The following MRPL39 variants were observed in gnomAD, a reference collection of about 807,000 sequenced individuals.
MRPL39 encodes the protein large ribosomal subunit protein mL39.
Under a neutral mutation model 44.5 loss-of-function variants are expected in MRPL39, and 35 were observed. That is an observed-to-expected ratio of 0.79 (90% CI 0.60 to 1.04). The LOEUF (loss-of-function observed/expected upper bound fraction) is 1.04. Ranked by LOEUF, MRPL39 falls within the 50% of genes least tolerant of loss-of-function variation. The pLI is 0.00. For synonymous variants in MRPL39, 139 were observed against 136.1 expected, an observed-to-expected ratio of 1.02 and a Z score of -0.15; for missense variants, 433 against 413.5, an observed-to-expected ratio of 1.05 and a Z score of -0.41.
At chr21:25,596,363 G>C (rs377577082) in intron 6 of MRPL39, among the ~76,000 whole-genome samples, 29 of 152,340 alleles carry the variant, frequency 1.9e-4, no homozygotes, top group African/African-American at 7.0e-4. Flanking sequence ...CTCCCAAAGT[G>C]CTGGGATTAC....
At chr21:25,593,108 C>A in intron 7 of MRPL39, 143 bp from the exon 8 acceptor site, 1 of 658,436 alleles carries the variant, frequency 1.5e-6, no homozygotes, top group African/African-American at 1.8e-5. Flanking sequence ...TCTAATGACC[C>A]CTGACATAAT....
upstream of MRPL39, chr21:25,607,521 C>A: frequency 6.3e-7 from 1 of 1,590,086 alleles, no homozygotes; most frequent in Non-Finnish European, 8.6e-7. Context: ...CCGCCCTCCT[C>A]CCCCGGAAAC....
intron 8 of MRPL39, among the ~76,000 whole-genome samples, chr21:25,592,004 T>C (rs2031193106): frequency 1.3e-5 from 2 of 152,222 alleles, no homozygotes; most frequent in South Asian, 2.1e-4. Context: ...ACTACTGATA[T>C]ACTCAATGTA....
At position 25,599,843 on chromosome 21, in the gene MRPL39, C is replaced by G. The variant is rs534666001; in HGVS notation, c.544G>C (p.Asp182His). 6.2e-7 allele frequency: 1 copy of G among 1,613,770 alleles called. No individual in the cohort carries two copies. Among genetic ancestry groups the G allele is most frequent in the East Asian group, 2.2e-5 (1 of 44,872 alleles). Residue 182 changes from aspartate to histidine, a missense_variant, in exon 5 of 10, where the codon GAC becomes CAC. Transcript: ENST00000352957. Reference protein sequence around the residue: ...VPVISGAFCYDVVLDSKLDEW... With the variant: ...VPVISGAFCYHVVLDSKLDEW... ...TCAAGTTTGCTATCCAAAACTACGT[C>G]ATAACAGAAGGCACCAGAAATTACT...
intron 5 of MRPL39, among the ~76,000 whole-genome samples, chr21:25,598,124 C>G (rs1390573483): frequency 6.6e-6 from 1 of 151,808 alleles, no homozygotes. Flanking sequence ...GACTTTTTTG[C>G]ATGAAATGAC....
upstream of MRPL39, chr21:25,607,661 GC>G (rs2031737791): frequency 1.5e-6 from 1 of 646,610 alleles, no homozygotes; most frequent in Admixed American, 2.9e-5. Flanking sequence ...CGGAGCCGGG[GC>G]GCGTTACCTG....
chr21:25,585,813 C>G, intron 9 of MRPL39, 59 bp from the exon 10 acceptor site: 1 of 1,229,096 alleles, frequency 8.1e-7, no homozygotes, highest in Non-Finnish European at 1.2e-6. Flanking sequence ...TACCCTTCAC[C>G]CACCATTTTA....
chr21:25,593,042 T>A, intron 7 of MRPL39, 77 bp from the exon 8 acceptor site: 1 of 1,274,498 alleles, frequency 7.8e-7, no homozygotes, highest in Non-Finnish European at 1.1e-6. Flanking sequence ...AATCTCTTCC[T>A]TCTCTTTGCT....
At chr21:25,588,760 C>A in intron 9 of MRPL39, 75 bp downstream of exon 9, 1 of 1,311,922 alleles carries the variant, frequency 7.6e-7, no homozygotes, top group Non-Finnish European at 1.1e-6. Flanking sequence ...CATTTTTCCC[C>A]CCTTTGGTTG....
chr21:25,594,510 A>G (rs959130399), intron 6 of MRPL39, among the ~76,000 whole-genome samples: 6 of 151,554 alleles, frequency 4.0e-5, no homozygotes, highest in African/African-American at 1.5e-4. Flanking sequence ...GTCTCCCAAA[A>G]TGCTGGGATT....
intron 2 of MRPL39, among the ~76,000 whole-genome samples, chr21:25,605,936 T>C (rs10470127): frequency 0.78 from 118,898 of 151,974 alleles, 46,698 homozygotes; most frequent in Non-Finnish European, 0.82. Flanking sequence ...TCAGGTCTGG[T>C]CACCTTCTGC....
chr21:25,601,247 A>G (rs1316238381), intron 4 of MRPL39, 121 bp downstream of exon 4: 1 of 468,310 alleles, frequency 2.1e-6, no homozygotes, highest in Non-Finnish European at 3.8e-6. Context: ...AGATTTTGTT[A>G]CCCATGATAA....
chr21:25,597,810 T>TATGGGGA (rs1331964042), intron 5 of MRPL39, among the ~76,000 whole-genome samples: 2 of 152,156 alleles, frequency 1.3e-5, no homozygotes, highest in Non-Finnish European at 2.9e-5. Flanking sequence ...AATCTAAGTT[T>TATGGGGA]ATTAAATATA....
intron 6 of MRPL39, among the ~76,000 whole-genome samples, chr21:25,595,313 C>T (rs190471826): frequency 2.0e-5 from 3 of 152,302 alleles, no homozygotes; most frequent in East Asian, 3.9e-4. Flanking sequence ...CCAAGAGATG[C>T]TCCTGTCCCC....
At chr21:25,597,563 T>G (rs2031398462) in intron 5 of MRPL39, 149 bp from the exon 6 acceptor site, 1 of 505,412 alleles carries the variant, frequency 2.0e-6, no homozygotes. Context: ...AGTTACTAAT[T>G]TGCAACAACT....
At chr21:25,604,990 G>A (rs568888287) in intron 2 of MRPL39, among the ~76,000 whole-genome samples, 1 of 152,314 alleles carries the variant, frequency 6.6e-6, no homozygotes, top group East Asian at 1.9e-4. Flanking sequence ...ATCCTCCTCT[G>A]TAGTCCTAAT....
intron 9 of MRPL39, chr21:25,587,666 C>T (rs1208185035): frequency 2.0e-6 from 3 of 1,472,150 alleles, no homozygotes. Flanking sequence ...CAATCAAGCA[C>T]AAACTTATAT....
chr21:25,594,262 T>C (rs2031282070), intron 6 of MRPL39, among the ~76,000 whole-genome samples: 1 of 149,586 alleles, frequency 6.7e-6, no homozygotes, highest in Non-Finnish European at 1.5e-5. Context: ...TTTTTTTTTT[T>C]TTTTTTTGAG....
At chr21:25,600,238 A>G (rs1436234600) in intron 4 of MRPL39, among the ~76,000 whole-genome samples, 1 of 152,046 alleles carries the variant, frequency 6.6e-6, no homozygotes, top group Non-Finnish European at 1.5e-5. Flanking sequence ...TCTACCAGAA[A>G]TATAAAAATT....
Sources: allele counts gnomAD v4.1 joint callset (sites outside exome capture counted in the v4.1 genomes callset), GRCh38; gene constraint gnomAD v4.1.1; transcripts MANE v1.5; gene names NCBI Gene and HGNC (gene_info 2026-07-23, HGNC 2026-07-21).